PDE1A: variants seen among roughly 807,000 people sequenced by gnomAD.
The protein encoded by PDE1A is dual specificity calcium/calmodulin-dependent 3',5'-cyclic nucleotide phosphodiesterase 1A.
In PDE1A, 35 loss-of-function variants were observed where a neutral mutation model predicts 61.7. That is an observed-to-expected ratio of 0.57 (90% confidence interval 0.43 to 0.75). The LOEUF (loss-of-function observed/expected upper bound fraction) is 0.75. Among genes scored for constraint, PDE1A ranks in the 30% least tolerant of loss-of-function variants. PDE1A has a pLI of 0.00. For missense variants in PDE1A, 597 were observed against 630.6 expected (o/e 0.95, Z 0.57); for synonymous variants, 232 against 213.2 (o/e 1.09, Z -0.77).
chr2:182,590,892 A>T, the PDE1A span, among the ~76,000 whole-genome samples: 1 of 152,174 alleles, frequency 6.6e-6, no homozygotes, highest in African/African-American at 2.4e-5. Flanking sequence ...GTGTTCTCAC[A>T]ATTGGATCTA....
intron 1 of PDE1A, among the ~76,000 whole-genome samples, chr2:182,412,080 T>C (rs146624252): frequency 0.022 from 3,376 of 151,288 alleles, 57 homozygotes; most frequent in South Asian, 0.047. Flanking sequence ...AAAAAGATTA[T>C]CTATTCCAAA....
At chr2:182,697,118 C>T in the PDE1A span, among the ~76,000 whole-genome samples, 1 of 152,146 alleles carries the variant, frequency 6.6e-6, no homozygotes, top group Non-Finnish European at 1.5e-5. Flanking sequence ...GAAATTCCCA[C>T]CATGAGAGTC....
At chr2:182,347,927 G>A (rs17343318) in intron 1 of PDE1A, among the ~76,000 whole-genome samples, 49,144 of 151,964 alleles carry the variant, frequency 0.32, 9,713 homozygotes, top group Middle Eastern at 0.46. Context: ...AAATAGAATG[G>A]TAGTACAGCG....
chr2:182,263,920 T>C (rs1407548576), intron 2 of PDE1A, among the ~76,000 whole-genome samples: 2 of 152,160 alleles, frequency 1.3e-5, no homozygotes, highest in Non-Finnish European at 2.9e-5. Flanking sequence ...CCCATTTTCC[T>C]AAAGGGACTC....
intron 13 of PDE1A, among the ~76,000 whole-genome samples, chr2:182,170,477 G>A (rs1692102038): frequency 6.6e-6 from 1 of 152,060 alleles, no homozygotes; most frequent in Admixed American, 6.6e-5. Flanking sequence ...AATTATGCTA[G>A]TCTTTGGGGT....
chr2:182,375,613 G>A (rs940662347), intron 1 of PDE1A, among the ~76,000 whole-genome samples: 4 of 152,176 alleles, frequency 2.6e-5, no homozygotes, highest in Non-Finnish European at 4.4e-5. Context: ...CAGGCACAAA[G>A]TGCAAGCTGT....
intron 13 of PDE1A, 82 bp downstream of exon 13, chr2:182,185,810 A>C: frequency 1.9e-6 from 3 of 1,594,894 alleles, no homozygotes; most frequent in Non-Finnish European, 2.6e-6. Context: ...TAGAAGAAGA[A>C]ATCTAGAAGA....
the PDE1A span, among the ~76,000 whole-genome samples, chr2:182,673,989 C>CATATATATAT: frequency 2.6e-3 from 354 of 135,184 alleles, 3 homozygotes; most frequent in African/African-American, 4.9e-3. Flanking sequence ...AATATAACTT[C>CATATATATAT]ATATATATAT....
chr2:182,165,789 C>T (rs1691624442), downstream of PDE1A, among the ~76,000 whole-genome samples: 1 of 152,096 alleles, frequency 6.6e-6, no homozygotes, highest in Non-Finnish European at 1.5e-5. Flanking sequence ...TAAGTATTTC[C>T]TATTTTGTTA....
At chr2:182,620,868 G>A in the PDE1A span, among the ~76,000 whole-genome samples, 4 of 152,016 alleles carry the variant, frequency 2.6e-5, no homozygotes, top group Non-Finnish European at 1.5e-5. Flanking sequence ...TACTGCCAGA[G>A]GATTAAGGAG....
chr2:182,544,570 A>G, the PDE1A span, among the ~76,000 whole-genome samples: 2 of 152,194 alleles, frequency 1.3e-5, no homozygotes, highest in Admixed American at 1.3e-4. Context: ...AGGTCAGCCT[A>G]AAGGAAAGTG....
chr2:182,610,867 G>A, the PDE1A span, among the ~76,000 whole-genome samples: 1 of 152,040 alleles, frequency 6.6e-6, no homozygotes, highest in Admixed American at 6.6e-5. Context: ...AACAATATAA[G>A]CTATTATTGC....
the PDE1A span, among the ~76,000 whole-genome samples, chr2:182,550,982 C>T: frequency 6.6e-6 from 1 of 150,886 alleles, no homozygotes; most frequent in African/African-American, 2.4e-5. Context: ...TATAGTCTAC[C>T]AGTGTACCCA....
chr2:182,198,035 C>CATAT (rs1360327413), intron 10 of PDE1A, among the ~76,000 whole-genome samples: 1 of 151,820 alleles, frequency 6.6e-6, no homozygotes, highest in Non-Finnish European at 1.5e-5. Flanking sequence ...CAGTCATTAA[C>CATAT]ATATCTCTCC....
Position 182,277,802 on chromosome 2 carries a change from G to A in PDE1A, c.54-13388C>T, listed in dbSNP as rs75260992. Among the ~76,000 whole-genome samples, 9 of 152,064 alleles carry A rather than the reference G, an allele frequency of 5.9e-5. No homozygotes were observed. The South Asian group carries it at 1.0e-3, about 18-fold the overall frequency. On this transcript the variant is annotated intron_variant, in intron 1 of 13. Transcript: ENST00000351439. Reference sequence around the variant, plus strand: ...ATTGAGATGCACTGAGTTTCAGCAGGTGTTTCAGATGGAATTAAACTGCCC... The same window carrying A: ...ATTGAGATGCACTGAGTTTCAGCAGATGTTTCAGATGGAATTAAACTGCCC...
chr2:182,685,525 A>C, the PDE1A span, among the ~76,000 whole-genome samples: 86,539 of 151,912 alleles, frequency 0.57, 25,635 homozygotes, highest in Middle Eastern at 0.71. Flanking sequence ...CACTTTGTGC[A>C]AGTTATTTAA....
chr2:182,479,957 T>C (rs1008424467), intron 2 of PDE1A, among the ~76,000 whole-genome samples: 1 of 151,878 alleles, frequency 6.6e-6, no homozygotes, highest in Non-Finnish European at 1.5e-5. Context: ...ATCTGTTTCA[T>C]ATGGAGAACA....
chr2:182,632,026 A>G, the PDE1A span, among the ~76,000 whole-genome samples: 2 of 152,148 alleles, frequency 1.3e-5, no homozygotes, highest in Non-Finnish European at 2.9e-5. Flanking sequence ...TTTCATACCG[A>G]TTTTAAACAA....
chr2:182,305,709 GTTGT>G (rs1695536370), intron 1 of PDE1A, among the ~76,000 whole-genome samples: 1 of 151,772 alleles, frequency 6.6e-6, no homozygotes, highest in South Asian at 2.1e-4. Context: ...TATTACTGTT[GTTGT>G]TTTTATTATC....
Sources: gnomAD v4.1 joint callset for allele counts (sites outside exome capture counted in the v4.1 genomes callset) on GRCh38, gnomAD v4.1.1 for gene constraint, MANE v1.5 for transcripts, NCBI Gene and HGNC (gene_info 2026-07-23, HGNC 2026-07-21) for gene names.